The following THAP4 variants were observed in gnomAD, a reference collection of about 807,000 sequenced individuals.
THAP4 encodes peroxynitrite isomerase THAP4.
A neutral mutation model predicts 48.1 loss-of-function variants in THAP4; 18 were observed. The observed-to-expected ratio is 0.37, with a 90% CI of 0.26 to 0.56. The LOEUF is 0.56. Ranked by LOEUF, THAP4 falls within the 20% of genes least tolerant of loss-of-function variation. THAP4 has a pLI of 0.78. For missense variants in THAP4, 656 were observed against 774.9 expected, an observed-to-expected ratio of 0.85 and a Z score of 1.82; for synonymous variants, 345 against 324.9, an observed-to-expected ratio of 1.06 and a Z score of -0.66.
At position 241,601,552 on chromosome 2, in the gene THAP4, A is replaced by C. The variant is rs940815889; in HGVS notation, c.1614+344T>G. ...GAAATACAATCTAACAGTGTGTATC[A>C]AATTTAAAATGTACCTGTCCTTTGA... On this transcript the variant is annotated intron_variant, in intron 5 of 5. Coordinates refer to ENST00000407315, the MANE Select transcript of THAP4 (RefSeq NM_015963.6). This position sits in a 1 kb window ranked among gnomAD's most constrained non-coding sequence, Gnocchi z 4.0. Among the ~76,000 whole-genome samples, 2 of 152,214 alleles carry C rather than the reference A, an allele frequency of 1.3e-5. No homozygotes were observed. The highest frequency in any genetic ancestry group is 2.9e-5 in the Non-Finnish European group (2 of 68,044).
chr2:241,596,443 G>A (rs2067047549), intron 5 of THAP4, among the ~76,000 whole-genome samples: 1 of 85,180 alleles, frequency 1.2e-5, no homozygotes, highest in Admixed American at 1.1e-4. Flanking sequence ...GGAGGCAGAG[G>A]TTGCAGTGAG....
intron 2 of THAP4, among the ~76,000 whole-genome samples, chr2:241,622,632 TTC>T (rs1251455566): frequency 1.3e-5 from 2 of 152,024 alleles, no homozygotes; most frequent in African/African-American, 4.8e-5. Flanking sequence ...TAGGGTTTTG[TTC>T]TGTTTCCCAG....
intron 2 of THAP4, among the ~76,000 whole-genome samples, chr2:241,621,708 G>C (rs528109984): frequency 4.0e-4 from 61 of 152,276 alleles, no homozygotes; most frequent in African/African-American, 1.4e-3. Flanking sequence ...AGGAGCAGAA[G>C]TATTTGAATT....
intron 2 of THAP4, among the ~76,000 whole-genome samples, chr2:241,631,112 T>A (rs1048363507): frequency 6.6e-6 from 1 of 152,058 alleles, no homozygotes; most frequent in African/African-American, 2.4e-5. Flanking sequence ...AACCCAAGAA[T>A]CCGAAAATCT....
At position 241,633,507 on chromosome 2, in the gene THAP4, G is replaced by A; in HGVS notation, c.650C>T (p.Ser217Phe). ...EGGVTDKSGI[S>F]MDDFTPPGSG... is the part of the protein sequence containing the mutation. ...TCCTGGGGGCGTAAAGTCATCCATA[G>A]AAATGCCACTCTTATCTGTCACGCC... The change falls in exon 2 of 6, where the codon TCT becomes TTT. Residue 217 changes from serine (S) to phenylalanine (F), a missense_variant. Ser to Phe is a radical substitution (Grantham distance 155). Around this residue, in one of 4 missense-constraint regions of THAP4, gnomAD observed 391 missense variants for 412.4 expected, o/e 0.95. Coordinates refer to ENST00000407315, the MANE Select transcript of THAP4 (RefSeq NM_015963.6). The surrounding 1 kb of genome is among the most constrained non-coding windows in gnomAD (Gnocchi z 7.5). 6.2e-7 allele frequency: 1 copy of A among 1,614,170 alleles called. No individual in the cohort carries two copies. The highest frequency in any genetic ancestry group is 8.5e-7 in the Non-Finnish European group (1 of 1,180,036).
At chr2:241,637,528 C>T, upstream of THAP4, 1 of 1,443,922 alleles carries the variant, frequency 6.9e-7, no homozygotes, top group African/African-American at 1.5e-5. Flanking sequence ...GCAGGGCGCC[C>T]CGGGGCTCGC....
chr2:241,637,562 T>G (rs1401371599), upstream of THAP4: 1 of 1,491,006 alleles, frequency 6.7e-7, no homozygotes, highest in South Asian at 1.3e-5. Context: ...TACGCCAAAA[T>G]GGCGGCTCCC....
At chr2:241,595,965 G>A (rs1419315305) in intron 5 of THAP4, among the ~76,000 whole-genome samples, 1 of 152,204 alleles carries the variant, frequency 6.6e-6, no homozygotes, top group African/African-American at 2.4e-5. Flanking sequence ...AATGGAGCGC[G>A]TCCCGTGGGC....
chr2:241,603,007 G>T lies in THAP4; in HGVS notation c.1473C>A (p.Asp491Glu), dbSNP rs755326066. ...RECGFIRLKPDTNKVAFVSAQ... is the reference protein window; with the variant it reads ...RECGFIRLKPETNKVAFVSAQ... ...CGCTGACAAAGGCCACCTTGTTGGT[G>T]TCGGGCTTGAGGCGAATGAAGCCAC... Residue 491 changes from aspartate (D) to glutamate (E), a missense_variant, in exon 4 of 6, where the codon GAC becomes GAA. Physicochemically the swap from Asp to Glu is conservative, Grantham distance 45 (BLOSUM62 2). Around this residue, in one of 4 missense-constraint regions of THAP4, gnomAD observed 176 missense variants for 256.7 expected, o/e 0.69. Coordinates refer to ENST00000407315, the MANE Select transcript of THAP4 (RefSeq NM_015963.6). The T allele has an allele frequency of 6.2e-7, 1 of 1,614,018 alleles. No homozygotes were observed. Among genetic ancestry groups the T allele is most frequent in the Non-Finnish European group, 8.5e-7 (1 of 1,179,990 alleles).
intron 3 of THAP4, 112 bp downstream of exon 3, chr2:241,606,202 G>A: frequency 9.8e-7 from 1 of 1,018,576 alleles, no homozygotes; most frequent in Non-Finnish European, 1.4e-6. Flanking sequence ...AGATGGACAA[G>A]TTCCTTTTAC....
chr2:241,626,167 G>C (rs1284562306), intron 2 of THAP4, among the ~76,000 whole-genome samples: 1 of 152,228 alleles, frequency 6.6e-6, no homozygotes, highest in East Asian at 1.9e-4. Flanking sequence ...AAAAACTACA[G>C]CTTGGTGGCT....
At chr2:241,621,117 G>A (rs530330205) in intron 2 of THAP4, among the ~76,000 whole-genome samples, 116 of 152,302 alleles carry the variant, frequency 7.6e-4, no homozygotes, top group African/African-American at 2.7e-3. Context: ...GGAGGCCAAG[G>A]TGGGTGGATC....
chr2:241,620,847 C>T (rs1424899134), intron 2 of THAP4, among the ~76,000 whole-genome samples: 3 of 152,034 alleles, frequency 2.0e-5, no homozygotes, highest in East Asian at 1.9e-4. Flanking sequence ...TATAATCTTA[C>T]GGGACTACCA....
At chr2:241,587,644 T>C (rs949710667) in intron 5 of THAP4, among the ~76,000 whole-genome samples, 9 of 152,342 alleles carry the variant, frequency 5.9e-5, no homozygotes, top group African/African-American at 2.2e-4. Context: ...TGTCTGGGCC[T>C]TATAGAATTG....
chr2:241,617,516 G>C, intron 2 of THAP4: 1 of 1,514,250 alleles, frequency 6.6e-7, no homozygotes, highest in Non-Finnish European at 8.9e-7. Flanking sequence ...TGGCTCTGCA[G>C]GAAGTGAATG....
chr2:241,588,742 C>T (rs1466115979), intron 5 of THAP4, among the ~76,000 whole-genome samples: 1 of 152,130 alleles, frequency 6.6e-6, no homozygotes, highest in African/African-American at 2.4e-5. Context: ...ATGGAAAAAA[C>T]GTGACTACTA....
chr2:241,634,863 G>A (rs1218855098), intron 1 of THAP4, among the ~76,000 whole-genome samples: 2 of 152,294 alleles, frequency 1.3e-5, no homozygotes, highest in South Asian at 2.1e-4. Flanking sequence ...GATCCTTGAG[G>A]ACATTATACT....
intron 5 of THAP4, chr2:241,585,221 C>G (rs2066879422): frequency 6.5e-6 from 1 of 153,902 alleles, no homozygotes; most frequent in Non-Finnish European, 1.4e-5. Flanking sequence ...AGTAATTCAT[C>G]AGAATAAATT....
intron 2 of THAP4, among the ~76,000 whole-genome samples, chr2:241,615,469 GAGC>G (rs2067328175): frequency 6.6e-6 from 1 of 152,250 alleles, no homozygotes; most frequent in Non-Finnish European, 1.5e-5. Flanking sequence ...GGTGGCCTCA[GAGC>G]AGGGGATGTG....
Sources: gnomAD v4.1 joint callset for allele counts (sites outside exome capture counted in the v4.1 genomes callset) on GRCh38, gnomAD v4.1.1 for gene constraint, gnomAD v4.1.1 regional missense constraint, Gnocchi (gnomAD v3.1) non-coding constraint, MANE v1.5 for transcripts, NCBI Gene and HGNC (gene_info 2026-07-23, HGNC 2026-07-21) for gene names.